The following ANO3 variants were observed in gnomAD, a reference collection of about 807,000 sequenced individuals.
ANO3 encodes anoctamin-3.
A neutral mutation model predicts 144.8 loss-of-function variants in ANO3; 99 were observed. The observed-to-expected ratio is 0.68, with a 90% CI of 0.58 to 0.81. The LOEUF is 0.81. Among genes scored for constraint, ANO3 ranks in the 30% least tolerant of loss-of-function variants. ANO3 has a pLI of 0.00. For synonymous variants in ANO3, 414 were observed against 392.6 expected, an observed-to-expected ratio of 1.05 and a Z score of -0.64; for missense variants, 905 against 1,202.2, an observed-to-expected ratio of 0.75 and a Z score of 3.66.
chr11:26,343,604 A>T lies in ANO3; in HGVS notation c.46+11283A>T, dbSNP rs571616749. On this transcript the variant is annotated intron_variant, in intron 1 of 26. Transcript: ENST00000256737. The stretch of plus-strand genomic sequence containing the variant: ...GTGCATTTACATTCTACTTGCCTGA[A>T]GTTACTTTTAGTACAGACTGAACAT... Among the ~76,000 whole-genome samples the T allele has an allele frequency of 3.7e-4, 57 of 152,322 alleles. 3 individuals carry two copies. In the South Asian group the frequency reaches 0.012, roughly 31 times the overall value.
intron 3 of ANO3, among the ~76,000 whole-genome samples, chr11:26,449,993 C>T (rs922610895): frequency 1.3e-5 from 2 of 152,186 alleles, no homozygotes; most frequent in Middle Eastern, 3.4e-3. Context: ...TGACCTCAGG[C>T]AATCCGCCCA....
chr11:26,633,841 C>T (rs980470470), intron 18 of ANO3, among the ~76,000 whole-genome samples: 5 of 151,804 alleles, frequency 3.3e-5, no homozygotes, highest in African/African-American at 9.7e-5. Flanking sequence ...TTTGGGAGGC[C>T]GAGGCCAGCA....
At chr11:26,473,084 T>G (rs1859840077) in intron 4 of ANO3, among the ~76,000 whole-genome samples, 1 of 152,120 alleles carries the variant, frequency 6.6e-6, no homozygotes, top group East Asian at 1.9e-4. Context: ...ATTAGAGTAA[T>G]ATACCATTTG....
At chr11:26,544,273 T>TATATATACACACACACAC in intron 11 of ANO3, among the ~76,000 whole-genome samples, 13 of 58,566 alleles carry the variant, frequency 2.2e-4, no homozygotes, top group South Asian at 9.9e-4. Flanking sequence ...TATATATATA[T>TATATATACACACACACAC]ACACACATAC....
chr11:26,523,322 G>T (rs1342066355), intron 6 of ANO3, among the ~76,000 whole-genome samples: 2 of 152,244 alleles, frequency 1.3e-5, no homozygotes, highest in South Asian at 4.1e-4. Flanking sequence ...GATTCACCTG[G>T]TAATTGGGCT....
chr11:26,215,022 A>C (rs1590197487), intron 1 of ANO3, among the ~76,000 whole-genome samples: 2 of 152,088 alleles, frequency 1.3e-5, no homozygotes, highest in Middle Eastern at 3.4e-3. Flanking sequence ...ATAAAGTGTC[A>C]TTATGATCAC....
At chr11:26,474,460 A>C (rs996307346) in intron 4 of ANO3, among the ~76,000 whole-genome samples, 2 of 151,898 alleles carry the variant, frequency 1.3e-5, no homozygotes, top group Non-Finnish European at 2.9e-5. Flanking sequence ...TTACCTTTAA[A>C]ATATTTTCAA....
intron 6 of ANO3, among the ~76,000 whole-genome samples, chr11:26,518,217 T>C (rs1861933332): frequency 6.6e-6 from 1 of 152,082 alleles, no homozygotes; most frequent in Non-Finnish European, 1.5e-5. Flanking sequence ...TTTTCTATCT[T>C]CATGCTATAA....
intron 1 of ANO3, among the ~76,000 whole-genome samples, chr11:26,354,576 G>T (rs965739726): frequency 6.6e-6 from 1 of 152,136 alleles, no homozygotes; most frequent in Admixed American, 6.5e-5. Context: ...CCCAGGCCCT[G>T]TCCCCAGAAG....
intron 17 of ANO3, among the ~76,000 whole-genome samples, chr11:26,600,264 C>A (rs1279037426): frequency 8.9e-6 from 1 of 112,868 alleles, no homozygotes; most frequent in East Asian, 2.4e-4. Flanking sequence ...CTCTCCTCTC[C>A]TCTCCTCTCC....
chr11:26,270,938 T>C (rs1380178039), intron 1 of ANO3, among the ~76,000 whole-genome samples: 3 of 152,180 alleles, frequency 2.0e-5, no homozygotes, highest in Non-Finnish European at 4.4e-5. Context: ...GAAAGACATG[T>C]TCAGGACACT....
intron 19 of ANO3, 107 bp from the exon 20 acceptor site, chr11:26,634,906 C>A: frequency 2.4e-6 from 2 of 817,220 alleles, no homozygotes; most frequent in Non-Finnish European, 4.2e-6. Context: ...CAGATTGCAC[C>A]AGTGAGCGTT....
chr11:26,404,921 G>A (rs955914530), intron 1 of ANO3, among the ~76,000 whole-genome samples: 1 of 142,288 alleles, frequency 7.0e-6, no homozygotes, highest in African/African-American at 2.6e-5. Context: ...TTTCAGCAAG[G>A]AATTTATATA....
intron 1 of ANO3, among the ~76,000 whole-genome samples, chr11:26,240,097 T>A (rs1852629808): frequency 6.6e-6 from 1 of 152,186 alleles, no homozygotes; most frequent in Non-Finnish European, 1.5e-5. Context: ...CCGTGTCACA[T>A]AATTTTTCAT....
chr11:26,263,914 A>G lies in ANO3; in HGVS notation c.155-45731A>G, dbSNP rs572192210. ...CTCTGTCAAAAACCTAACCTCAGTC[A>G]TAACAAGTATTAATTTATGATTTCA... On this transcript the variant is annotated intron_variant, in intron 1 of 27. Transcript: ENST00000672621. 3.9e-3 allele frequency among the ~76,000 whole-genome samples: 591 copies of G among 152,400 alleles called. 1 individual carries two copies. The highest frequency in any genetic ancestry group is 0.013 in the African/African-American group (560 of 41,598).
intron 1 of ANO3, among the ~76,000 whole-genome samples, chr11:26,411,066 T>C (rs1475935307): frequency 6.6e-6 from 1 of 151,982 alleles, no homozygotes; most frequent in African/African-American, 2.4e-5. Flanking sequence ...TTTCCTAACT[T>C]CAATGGGAAA....
chr11:26,248,632 G>T (rs980618016), intron 1 of ANO3, among the ~76,000 whole-genome samples: 68 of 152,160 alleles, frequency 4.5e-4, no homozygotes, highest in Admixed American at 4.0e-3. Flanking sequence ...ATTGGATTAT[G>T]TATGCAGATG....
intron 20 of ANO3, 109 bp downstream of exon 20, chr11:26,635,179 T>C: frequency 1.1e-6 from 1 of 917,306 alleles, no homozygotes; most frequent in Non-Finnish European, 1.7e-6. Flanking sequence ...TTATGGATAT[T>C]GAAGACGACA....
rs913027037 is a variant in ANO3, at chr11:26,452,730, C to T, written c.313+8894C>T. The stretch of plus-strand genomic sequence containing the variant: ...ATTCAGATTCAGGAAATACAGAGAA[C>T]ACCACAAAGATACTCCTCGAGAAGA... On this transcript the variant is annotated intron_variant, in intron 3 of 26. Coordinates refer to ENST00000256737, the MANE Select transcript of ANO3 (RefSeq NM_031418.4). Among the ~76,000 whole-genome samples the T allele has an allele frequency of 7.9e-5, 12 of 152,194 alleles. No individual in the cohort carries two copies. In the South Asian group the frequency reaches 8.3e-4, roughly 11 times the overall value.
Sources: gnomAD v4.1 joint callset for allele counts (sites outside exome capture counted in the v4.1 genomes callset) on GRCh38, gnomAD v4.1.1 for gene constraint, MANE v1.5 for transcripts, NCBI Gene and HGNC (gene_info 2026-07-23, HGNC 2026-07-21) for gene names.